Variants in POLR1B observed in about 807,000 individuals in gnomAD.
The protein encoded by POLR1B is DNA-directed RNA polymerase I subunit RPA2.
Under a neutral mutation model 105.8 loss-of-function variants are expected in POLR1B, and 30 were observed. The observed-to-expected ratio is 0.28, with a 90% CI of 0.21 to 0.38. POLR1B has a LOEUF of 0.38. Ranked by LOEUF, POLR1B falls within the 10% of genes least tolerant of loss-of-function variation. The pLI, the probability that POLR1B is intolerant of heterozygous loss-of-function variation, is 1.00. For missense variants in POLR1B, 976 were observed against 1,435.8 expected (o/e 0.68, Z 5.17); for synonymous variants, 485 against 505.1 (o/e 0.96, Z 0.53).
chr2:112,565,549 TTTTTC>T lies in POLR1B; in HGVS notation c.1746+1065_1746+1069del, dbSNP rs1056861158. 8.5e-5 allele frequency among the ~76,000 whole-genome samples: 13 copies of T among 152,238 alleles called. No homozygotes were observed. The East Asian group carries it at 9.6e-4, about 11-fold the overall frequency. ...CAGCTGTCTCAGTAATGCTCTCTTTTTTTTCTTTTCTTTTCTTTTTTTTTTTAGAG... is the reference window on the plus strand; with the variant it reads ...CAGCTGTCTCAGTAATGCTCTCTTTTTTTTCTTTTCTTTTTTTTTTTAGAG... On this transcript the variant is annotated intron_variant, in intron 10 of 14. Transcript: ENST00000263331.
intron 12 of POLR1B, among the ~76,000 whole-genome samples, chr2:112,570,842 G>A (rs1339587279): frequency 1.3e-5 from 2 of 148,210 alleles, no homozygotes; most frequent in African/African-American, 5.0e-5. Flanking sequence ...GCAGTGGCAC[G>A]ATCTTGGCTC....
rs1684947579 is a variant in POLR1B at position 112,578,103 on chromosome 2, T to C, written c.*2374T>C. Among the ~76,000 whole-genome samples the C allele has an allele frequency of 6.6e-6, 1 of 152,190 alleles. No homozygotes were observed. Among genetic ancestry groups the C allele is most frequent in the Admixed American group, 6.5e-5 (1 of 15,276 alleles). On this transcript the variant is annotated 3_prime_UTR_variant, in exon 15 of 15. Coordinates refer to ENST00000263331, the MANE Select transcript of POLR1B (RefSeq NM_019014.6). ...AAAACATTCCCAAAAAAAATGTTTT[T>C]TAGCTTTTTAACTGTAGATTCACCA...
intron 12 of POLR1B, among the ~76,000 whole-genome samples, chr2:112,569,493 T>C (rs1684476785): frequency 6.6e-6 from 1 of 152,222 alleles, no homozygotes. Context: ...AAGTTGTTGT[T>C]ACACTGTCTC....
rs150695156 is a variant in POLR1B at position 112,573,223 on chromosome 2, C to T, written c.2272-339C>T. ...GTTCAAGCAGTTCTCCTGCCTCAGC[C>T]TCTCGAATAGCTGGGACTACAGGCA... On this transcript the variant is annotated intron_variant, in intron 13 of 14. Coordinates refer to ENST00000263331, the MANE Select transcript of POLR1B (RefSeq NM_019014.6). 4.0e-3 allele frequency among the ~76,000 whole-genome samples: 614 copies of T among 152,342 alleles called. 4 individuals carry two copies. The highest frequency in any genetic ancestry group is 0.01 in the Middle Eastern group (3 of 294).
In POLR1B at chr2:112,547,161, C is replaced by T. The variant is rs762719659; in HGVS notation, c.327C>T (p.Thr109=). The T allele has an allele frequency of 1.2e-6, 2 of 1,614,124 alleles. No homozygotes were observed. The highest frequency in any genetic ancestry group is 2.2e-5 in the East Asian group (1 of 44,878). The change falls in exon 2 of 15, where the codon ACC becomes ACT. Residue 109 remains threonine (T), a synonymous_variant. Transcript: ENST00000263331. ...CAGAATGCCGGGGCCGAAGGAGTAC[C>T]TACCGTGGGAAGTTGACAGTGAGTA... The part of the protein sequence containing the change: ...YPAECRGRRS[T]YRGKLTADIN...
Position 112,547,063 on chromosome 2 carries a change from A to G in POLR1B, c.229A>G (p.Ile77Val), listed in dbSNP as rs1683096312. ...CAAAGATGAGCGTATCTCTTTTACT[A>G]TTCTGGATGCTGTTATCAGTCCACC... ...AFKDERISFT[I>V]LDAVISPPTV... The change falls in exon 2 of 15, where the codon ATT (isoleucine) becomes GTT (valine). Residue 77 changes from isoleucine to valine, a missense_variant. Around this residue, in one of 12 missense-constraint regions of POLR1B, gnomAD observed 452 missense variants for 616.5 expected, o/e 0.73. Transcript: ENST00000263331. 1 of 1,614,156 alleles carries G rather than the reference A, an allele frequency of 6.2e-7. No homozygotes were observed.
intron 3 of POLR1B, among the ~76,000 whole-genome samples, chr2:112,548,828 G>T (rs1346206766): frequency 6.6e-6 from 1 of 152,172 alleles, no homozygotes; most frequent in Non-Finnish European, 1.5e-5. Flanking sequence ...TAGCCAGGAT[G>T]GTCTTGATCT....
chr2:112,551,530 C>A (rs563222495), intron 5 of POLR1B, among the ~76,000 whole-genome samples: 136 of 152,262 alleles, frequency 8.9e-4, no homozygotes, highest in Non-Finnish European at 1.3e-3. Context: ...AGCAGGCCAG[C>A]CTTGATTCGG....
At position 112,545,764 on chromosome 2, in the gene POLR1B, T is replaced by C. The variant is rs143738441; in HGVS notation, c.178-1248T>C. On this transcript the variant is annotated intron_variant, in intron 1 of 14. Transcript: ENST00000263331. ...AAGTGATCCTCCCACGTCAACCTCTTGAGTAGCTGGGACCACAGGCGTGCA... is the reference window on the plus strand; with the variant it reads ...AAGTGATCCTCCCACGTCAACCTCTCGAGTAGCTGGGACCACAGGCGTGCA... 1.1e-3 allele frequency: 342 copies of C among 305,966 alleles called. 2 individuals carry two copies. The highest frequency in any genetic ancestry group is 7.0e-3 in the African/African-American group (302 of 43,294). 19.0% of individuals were successfully genotyped at this position (305,966 alleles called of 1,614,324 possible).
intron 12 of POLR1B, among the ~76,000 whole-genome samples, chr2:112,569,767 C>T (rs1031382869): frequency 6.6e-6 from 1 of 151,964 alleles, no homozygotes; most frequent in Non-Finnish European, 1.5e-5. Context: ...ACCATGTTGG[C>T]AAGGCTGGTC....
At position 112,560,783 on chromosome 2, in the gene POLR1B, G is replaced by A. The variant is rs73955239; in HGVS notation, c.1612+1209G>A. Among the ~76,000 whole-genome samples the A allele has an allele frequency of 2.0e-3, 312 of 152,240 alleles. 2 individuals are homozygous for A. The highest frequency in any genetic ancestry group is 7.2e-3 in the African/African-American group (300 of 41,534). ...CCCAATTAGAGTGGCCTGGCCGGGC[G>A]TGGTGGCCCATGCCTGTAATCCCAG... On this transcript the variant is annotated intron_variant, in intron 9 of 14. Transcript: ENST00000263331.
chr2:112,546,544 C>CTTT lies in POLR1B; in HGVS notation c.178-435_178-433dup, dbSNP rs869087985. On this transcript the variant is annotated intron_variant, in intron 1 of 14. Coordinates refer to ENST00000263331, the MANE Select transcript of POLR1B (RefSeq NM_019014.6). The stretch of plus-strand genomic sequence containing the variant: ...GAAGTTATGAGTAGACTGGAGGTAG[C>CTTT]TTTTTTTTTTTTTTTTTTTTTTTTT... Among the ~76,000 whole-genome samples, 262 of 53,192 alleles carry CTTT rather than the reference C, an allele frequency of 4.9e-3. 44 individuals are homozygous for CTTT. Among genetic ancestry groups the CTTT allele is most frequent in the Admixed American group, 8.4e-3 (24 of 2,866 alleles). The allele number at this position is 53,192 out of a possible 152,430, so 34.9% of individuals were successfully genotyped here. A position where few individuals can be genotyped will look rare whatever the true frequency, so the allele number is the denominator to read the frequency against.
intron 1 of POLR1B, chr2:112,545,795 A>C (rs531345509): frequency 2.7e-6 from 1 of 365,180 alleles, no homozygotes. Flanking sequence ...GTGCACCACT[A>C]TGCCCGGCTA....
intron 9 of POLR1B, 29 bp downstream of exon 9, chr2:112,559,603 G>C: frequency 6.3e-7 from 1 of 1,593,096 alleles, no homozygotes; most frequent in Non-Finnish European, 8.6e-7. Context: ...TAAACATCTT[G>C]TTTGGTTATG....
intron 13 of POLR1B, among the ~76,000 whole-genome samples, chr2:112,573,105 T>G (rs574809118): frequency 7.5e-4 from 115 of 152,342 alleles, no homozygotes; most frequent in African/African-American, 2.7e-3. Context: ...TTGTTTGTTT[T>G]TTGTTTTTTA....
intron 9 of POLR1B, among the ~76,000 whole-genome samples, chr2:112,560,772 C>T (rs1389508385): frequency 2.0e-5 from 3 of 152,096 alleles, no homozygotes; most frequent in Admixed American, 6.6e-5. Context: ...ATTAGAGTGG[C>T]CTGGCCGGGC....
chr2:112,556,648 G>A (rs1161586771), intron 7 of POLR1B, among the ~76,000 whole-genome samples: 2 of 152,142 alleles, frequency 1.3e-5, no homozygotes, highest in Non-Finnish European at 2.9e-5. Context: ...TGTTGACTCA[G>A]GGGCCTGCTG....
At chr2:112,568,678 G>T in intron 11 of POLR1B, 68 bp from the exon 12 acceptor site, 1 of 1,541,084 alleles carries the variant, frequency 6.5e-7, no homozygotes, top group Non-Finnish European at 8.9e-7. Flanking sequence ...ACTGAACTCT[G>T]AGAAATGGTA....
At chr2:112,573,881 G>A in intron 14 of POLR1B, 66 bp downstream of exon 14, 6 of 1,546,312 alleles carry the variant, frequency 3.9e-6, no homozygotes, top group East Asian at 2.2e-5. Flanking sequence ...GGGTCTCAGT[G>A]TGTCAGCCGG....
Sources: allele counts gnomAD v4.1 joint callset (sites outside exome capture counted in the v4.1 genomes callset), GRCh38; gene constraint gnomAD v4.1.1; regional missense constraint gnomAD v4.1.1; transcripts MANE v1.5; gene names NCBI Gene and HGNC (gene_info 2026-07-23, HGNC 2026-07-21).